ZNF177: variants seen among roughly 807,000 people sequenced by gnomAD.
ZNF177 encodes the protein zinc finger protein 177.
Under a neutral mutation model 19.4 loss-of-function variants are expected in ZNF177, and 17 were observed. The observed-to-expected ratio is 0.87, with a 90% confidence interval of 0.60 to 1.31. The LOEUF (loss-of-function observed/expected upper bound fraction) is 1.31. ZNF177 is among the 40% of genes most tolerant of loss of function. ZNF177 has a pLI of 0.00. For synonymous variants in ZNF177, 220 were observed against 188.7 expected (o/e 1.17, Z -1.36); for missense variants, 633 against 561.8 (o/e 1.13, Z -1.28).
At chr19:9,380,591 T>C (rs1421779327) in intron 5 of ZNF177, 77 bp from the exon 8 acceptor site, 2 of 1,535,710 alleles carry the variant, frequency 1.3e-6, no homozygotes, top group Non-Finnish European at 1.7e-6. Flanking sequence ...TATGGCAGAA[T>C]CCTCATGGAA....
chr19:9,366,283 A>G (rs987523047), intron 2 of ZNF177, among the ~76,000 whole-genome samples: 1 of 151,050 alleles, frequency 6.6e-6, no homozygotes, highest in African/African-American at 2.4e-5. Context: ...GCCTAGCCTC[A>G]TTCCTTTTTT....
chr19:9,381,146 A>G lies in ZNF177; in HGVS notation c.815A>G (p.Gln272Arg). 5 of 1,614,180 alleles carry G rather than the reference A, an allele frequency of 3.1e-6. No homozygotes were observed. In the South Asian group the frequency reaches 4.4e-5, roughly 14 times the overall value. Residue 272 changes from glutamine to arginine, a missense_variant, in exon 6 of 6, where the codon CAG (glutamine) becomes CGG (arginine). Transcript: ENST00000589262. ...ACTTTCACTGACCCTTTGTCCCTTC[A>G]GAACTGTGTCAGAACTCACTCTGGA...
chr19:9,363,515 C>A (rs1312205258), intron 1 of ZNF177, among the ~76,000 whole-genome samples: 1 of 152,166 alleles, frequency 6.6e-6, no homozygotes, highest in Admixed American at 6.5e-5. Flanking sequence ...ACCCTAGTGC[C>A]TGATACACAT....
At chr19:9,365,535 G>A (rs1224649030) in intron 2 of ZNF177, among the ~76,000 whole-genome samples, 1 of 152,018 alleles carries the variant, frequency 6.6e-6, no homozygotes, top group Non-Finnish European at 1.5e-5. Context: ...GGGTCAGGGG[G>A]TTCTTGCCCC....
exon 6 of ZNF177, chr19:9,380,989 T>A: frequency 6.4e-7 from 1 of 1,558,270 alleles, no homozygotes; most frequent in African/African-American, 1.4e-5. Context: ...CTCTTCCTGC[T>A]CAGTACGTGA....
At chr19:9,373,595 T>C (rs1476068555), upstream of ZNF177, among the ~76,000 whole-genome samples, 1 of 152,182 alleles carries the variant, frequency 6.6e-6, no homozygotes, top group Non-Finnish European at 1.5e-5. Context: ...TTTCTCCACA[T>C]CCAACACTTG....
upstream of ZNF177, among the ~76,000 whole-genome samples, chr19:9,372,540 CTT>C (rs61321271): frequency 0.01 from 858 of 84,570 alleles, 9 homozygotes; most frequent in African/African-American, 0.05. Context: ...CTTTCTTTTC[CTT>C]TTTTTTTTTT....
At chr19:9,369,549 G>C (rs1337695979) in intron 2 of ZNF177, among the ~76,000 whole-genome samples, 1 of 152,114 alleles carries the variant, frequency 6.6e-6, no homozygotes, top group Non-Finnish European at 1.5e-5. Flanking sequence ...TACCAGGACA[G>C]TCTGTTTTTA....
At position 9,378,959 on chromosome 19, in the gene ZNF177, T is replaced by C; in HGVS notation, c.34-3T>C. On this transcript the variant is annotated splice_region_variant and splice_polypyrimidine_tract_variant and intron_variant, in intron 2 of 5. Coordinates refer to ENST00000589262, the Ensembl canonical transcript of ZNF177. ...GAGCCAGAATATGTATGTGATGTTT[T>C]AGAACTCAGTAACCTTCCAGGAAGT... 6.2e-7 allele frequency: 1 copy of C among 1,604,888 alleles called. No homozygotes were observed. Among genetic ancestry groups the C allele is most frequent in the East Asian group, 2.2e-5 (1 of 44,742 alleles).
exon 3 of ZNF177, chr19:9,379,085 G>A: frequency 6.2e-7 from 1 of 1,607,102 alleles, no homozygotes; most frequent in Non-Finnish European, 8.5e-7. Context: ...CCTGGCCTCA[G>A]TAGGTAAGGC....
At chr19:9,381,826 T>C (rs771411708) in exon 6 of ZNF177, 10 of 1,540,874 alleles carry the variant, frequency 6.5e-6, no homozygotes, top group South Asian at 1.3e-5. Context: ...TTTCTCACTT[T>C]AGAACATATA....
chr19:9,366,044 G>A (rs1042305422), intron 2 of ZNF177, among the ~76,000 whole-genome samples: 18 of 152,204 alleles, frequency 1.2e-4, no homozygotes, highest in East Asian at 5.8e-4. Context: ...GTGCAGTGGC[G>A]CAATCTCGGC....
intron 1 of ZNF177, among the ~76,000 whole-genome samples, chr19:9,363,664 T>A (rs988532890): frequency 6.6e-6 from 1 of 152,214 alleles, no homozygotes; most frequent in African/African-American, 2.4e-5. Context: ...CAGATCCCCC[T>A]CTATGGGACT....
upstream of ZNF177, among the ~76,000 whole-genome samples, chr19:9,375,932 G>A (rs1201898725): frequency 6.6e-6 from 1 of 152,094 alleles, no homozygotes; most frequent in African/African-American, 2.4e-5. Flanking sequence ...AACTTGAGGT[G>A]TAACATTAAG....
chr19:9,380,109 T>C (rs1469038122), exon 5 of ZNF177: 2 of 1,611,638 alleles, frequency 1.2e-6, no homozygotes, highest in Middle Eastern at 1.7e-4. Flanking sequence ...AGAACATTCC[T>C]GGGGGAAAAA....
chr19:9,366,453 T>C (rs2067981195), intron 2 of ZNF177, among the ~76,000 whole-genome samples: 1 of 152,074 alleles, frequency 6.6e-6, no homozygotes, highest in Non-Finnish European at 1.5e-5. Context: ...AGATGAGATC[T>C]CACTGTGTTA....
exon 3 of ZNF177, chr19:9,379,081 C>T: frequency 6.2e-7 from 1 of 1,606,614 alleles, no homozygotes; most frequent in Non-Finnish European, 8.5e-7. Flanking sequence ...GGAACCTGGC[C>T]TCAGTAGGTA....
chr19:9,381,995 T>TA, exon 6 of ZNF177: 1 of 646,250 alleles, frequency 1.5e-6, no homozygotes, highest in Non-Finnish European at 2.4e-6. Flanking sequence ...ATCCTATGAA[T>TA]ATTTTAGTTA....
At chr19:9,367,416 G>C (rs1470634035) in intron 2 of ZNF177, among the ~76,000 whole-genome samples, 1 of 152,160 alleles carries the variant, frequency 6.6e-6, no homozygotes, top group African/African-American at 2.4e-5. Context: ...TGTGATACTG[G>C]TTTTTATCAC....
Sources: gnomAD v4.1 joint callset for allele counts (sites outside exome capture counted in the v4.1 genomes callset) on GRCh38, gnomAD v4.1.1 for gene constraint, MANE v1.5 for transcripts, NCBI Gene and HGNC (gene_info 2026-07-23, HGNC 2026-07-21) for gene names.